Variants in CDCA3 observed in about 807,000 individuals in gnomAD.
CDCA3 encodes cell division cycle associated 3.
CDCA3 carries 16 observed loss-of-function variants against 29.1 expected under a neutral mutation model. That is an observed-to-expected ratio of 0.55 (90% confidence interval 0.37 to 0.83). CDCA3 has a LOEUF of 0.83. Ranked by LOEUF, CDCA3 falls within the 40% of genes least tolerant of loss-of-function variation. The pLI is 0.00. For synonymous variants in CDCA3, 88 were observed against 124.5 expected, an observed-to-expected ratio of 0.71 and a Z score of 1.95; for missense variants, 291 against 327.2, an observed-to-expected ratio of 0.89 and a Z score of 0.85.
chr12:6,849,972 AGAAATCAAG>A lies in CDCA3; in HGVS notation c.251-123_251-115del, dbSNP rs1943800310. ...CAGGAGGGTGAGCAAGTGGGAAGAG[AGAAATCAAG>A]GAAATCAAGGTGAAAGGGAGCAATT... On this transcript the variant is annotated intron_variant, in intron 3 of 5. Transcript: ENST00000538862. This position sits in a 1 kb window ranked among gnomAD's most constrained non-coding sequence, Gnocchi z 5.2. 1 of 988,680 alleles carries A rather than the reference AGAAATCAAG, an allele frequency of 1.0e-6. No individual in the cohort carries two copies. The highest frequency in any genetic ancestry group is 2.6e-5 in the East Asian group (1 of 37,916). The allele number at this position is 988,680 out of a possible 1,614,324, so 61.2% of individuals were successfully genotyped here. A position where few individuals can be genotyped will look rare whatever the true frequency, so the allele number is the denominator to read the frequency against.
chr12:6,845,459 G>T (rs782647560), downstream of CDCA3: 213 of 658,064 alleles, frequency 3.2e-4, no homozygotes, highest in African/African-American at 2.1e-3. Context: ...CCAAACCAAG[G>T]GAGGGACAGG....
downstream of CDCA3, among the ~76,000 whole-genome samples, chr12:6,847,895 G>A: frequency 6.6e-6 from 1 of 152,262 alleles, no homozygotes; most frequent in South Asian, 2.1e-4. Context: ...TAGGGAGAGG[G>A]ATTAGGAAGA....
Position 6,850,351 on chromosome 12 carries a change from G to T in CDCA3, c.250+116C>A. On this transcript the variant is annotated intron_variant, in intron 3 of 5. Transcript: ENST00000538862. This position sits in a 1 kb window ranked among gnomAD's most constrained non-coding sequence, Gnocchi z 4.7. ...AAATATTGAGATAAGAGTGAGATGG[G>T]TCCGAAGCAGGAGGATAGAGGCCCC... The T allele has an allele frequency of 1.5e-6, 2 of 1,321,218 alleles. No individual in the cohort carries two copies. Among genetic ancestry groups the T allele is most frequent in the Non-Finnish European group, 2.1e-6 (2 of 939,298 alleles). The allele number at this position is 1,321,218 out of a possible 1,614,324, so 81.8% of individuals were successfully genotyped here.
Position 6,850,252 on chromosome 12 carries a change from A to G in CDCA3, c.250+215T>C. ...AGGCTGGTCTTGAACTCCTGGGCTC[A>G]AGCGATCTGACCACCCCGGCCTTCC... On this transcript the variant is annotated intron_variant, in intron 3 of 5. Coordinates refer to ENST00000538862, the MANE Select transcript of CDCA3 (RefSeq NM_031299.7). This position sits in a 1 kb window ranked among gnomAD's most constrained non-coding sequence, Gnocchi z 4.7. The G allele has an allele frequency of 1.7e-6, 1 of 600,578 alleles. No individual in the cohort carries two copies. The highest frequency in any genetic ancestry group is 3.0e-5 in the Admixed American group (1 of 33,194). 37.2% of individuals were successfully genotyped at this position (600,578 alleles called of 1,614,324 possible).
Position 6,849,831 on chromosome 12 carries a change from A to G in CDCA3, c.278T>C (p.Leu93Pro), listed in dbSNP as rs782238115. 1.3e-6 allele frequency: 2 copies of G among 1,554,990 alleles called. No homozygotes were observed. The highest frequency in any genetic ancestry group is 2.4e-5 in the South Asian group (2 of 82,240). Residue 93 changes from leucine (L) to proline (P), a missense_variant, in exon 4 of 6, where the codon CTG (leucine) becomes CCG (proline). By Grantham distance (98) the Leu-to-Pro change is moderately conservative. Coordinates refer to ENST00000538862, the MANE Select transcript of CDCA3 (RefSeq NM_031299.7). This position sits in a 1 kb window ranked among gnomAD's most constrained non-coding sequence, Gnocchi z 5.2. ...GTCTTCAGTTTCAAATACTTCACTC[A>G]GCTGTTTCACCAGTGGGCTTGGGGG... is the stretch of plus-strand genomic sequence containing the variant. ...GDPPSPLVKQ[L>P]SEVFETEDSK...
Position 6,849,782 on chromosome 12 carries a change from C to T in CDCA3, c.327G>A (p.Glu109=), listed in dbSNP as rs1555125864. The T allele has an allele frequency of 1.9e-6, 3 of 1,597,946 alleles. No homozygotes were observed. The highest frequency in any genetic ancestry group is 2.2e-5 in the South Asian group (2 of 89,420). Residue 109 remains glutamate (E), a synonymous_variant, in exon 4 of 6, where the codon GAG becomes GAA. Coordinates refer to ENST00000538862, the MANE Select transcript of CDCA3 (RefSeq NM_031299.7). The surrounding 1 kb of genome is among the most constrained non-coding windows in gnomAD (Gnocchi z 5.2). ...AAGGTGCCTCTGGGGGCAGAACAGG[C>T]TCTGGGGGAAGATTTGATTTAGAGT... ...TEDSKSNLPP[E]PVLPPEAPLS...
At position 6,849,252 on chromosome 12, in the gene CDCA3, T is replaced by C. The variant is rs1943773284; in HGVS notation, c.652-54A>G. 9 of 1,609,932 alleles carry C rather than the reference T, an allele frequency of 5.6e-6. No individual in the cohort carries two copies. The highest frequency in any genetic ancestry group is 1.3e-5 in the African/African-American group (1 of 74,892). On this transcript the variant is annotated intron_variant, in intron 5 of 5. Coordinates refer to ENST00000538862, the MANE Select transcript of CDCA3 (RefSeq NM_031299.7). This position sits in a 1 kb window ranked among gnomAD's most constrained non-coding sequence, Gnocchi z 5.2. The stretch of plus-strand genomic sequence containing the variant: ...GAGTTGCTGTTCAGAAGAGGGAAGA[T>C]CTGGGTAAAAGGGTCTCCCACCCTC...
rs1219932664 is a variant in CDCA3, at chr12:6,849,504, G to C, written c.544+61C>G. 2 of 1,564,670 alleles carry C rather than the reference G, an allele frequency of 1.3e-6. No individual in the cohort carries two copies. Among genetic ancestry groups the C allele is most frequent in the Non-Finnish European group, 1.7e-6 (2 of 1,153,158 alleles). On this transcript the variant is annotated intron_variant, in intron 4 of 5. Coordinates refer to ENST00000538862, the MANE Select transcript of CDCA3 (RefSeq NM_031299.7). This position sits in a 1 kb window ranked among gnomAD's most constrained non-coding sequence, Gnocchi z 5.2. ...TTTATTCCTCCCACACTCACCCATG[G>C]ACCTTATCCCAAAACATTATCCTAG...
downstream of CDCA3, chr12:6,846,961 A>T: frequency 1.1e-6 from 1 of 906,940 alleles, no homozygotes; most frequent in Admixed American, 2.0e-5. Context: ...GCCCGACCCC[A>T]TCTCATTCAG....
At position 6,849,330 on chromosome 12, in the gene CDCA3, A is replaced by G. The variant is rs1280734352; in HGVS notation, c.644T>C (p.Leu215Pro). Reference sequence around the variant, plus strand: ...CACTTTCTCTTCCTTTACCTGTCGTAGTGTCAGGGTGCCAGGGGAGTTGTC... The same window carrying G: ...CACTTTCTCTTCCTTTACCTGTCGTGGTGTCAGGGTGCCAGGGGAGTTGTC... ...QDDNSPGTLT[L>P]RQGKRPSPLS... is the part of the protein sequence containing the mutation. Residue 215 changes from leucine to proline, a missense_variant, in exon 5 of 6, where the codon CTA becomes CCA. Transcript: ENST00000538862. This position sits in a 1 kb window ranked among gnomAD's most constrained non-coding sequence, Gnocchi z 5.2. 6.2e-7 allele frequency: 1 copy of G among 1,600,468 alleles called. No individual in the cohort carries two copies.
chr12:6,848,277 A>C (rs1555125234), downstream of CDCA3: 1 of 152,274 alleles, frequency 6.6e-6, no homozygotes, highest in African/African-American at 2.4e-5. Flanking sequence ...GCTTGAGCTC[A>C]GGAAGTTGAG....
chr12:6,845,281 G>T, downstream of CDCA3: 1 of 362,872 alleles, frequency 2.8e-6, no homozygotes, highest in South Asian at 3.7e-5. Flanking sequence ...TGGGAGTCTG[G>T]GACAACCTCC....
rs760802476 is a variant in CDCA3 at position 6,848,942 on chromosome 12, A to G, written c.*101T>C. On this transcript the variant is annotated 3_prime_UTR_variant, in exon 6 of 6. Coordinates refer to ENST00000538862, the MANE Select transcript of CDCA3 (RefSeq NM_031299.7). ...CAGTTTGGTAGCTGAGGAGGAGTCT[A>G]AGAAAACAAGCCATTCCTCAGTATC... 1 of 645,896 alleles carries G rather than the reference A, an allele frequency of 1.5e-6. No individual in the cohort carries two copies. The highest frequency in any genetic ancestry group is 2.8e-6 in the Non-Finnish European group (1 of 353,674). The allele number at this position is 645,896 out of a possible 1,614,324, so 40.0% of individuals were successfully genotyped here.
chr12:6,846,873 A>T, downstream of CDCA3: 1 of 1,594,108 alleles, frequency 6.3e-7, no homozygotes, highest in South Asian at 1.1e-5. Flanking sequence ...GGTTCCTGGG[A>T]CAGCTTCCTC....
downstream of CDCA3, chr12:6,846,723 A>C (rs1393563559): frequency 2.7e-5 from 22 of 826,306 alleles, no homozygotes. Flanking sequence ...ACATACACTT[A>C]CACGCATGCA....
downstream of CDCA3, chr12:6,846,006 C>T (rs1943689581): frequency 1.7e-6 from 1 of 580,706 alleles, no homozygotes; most frequent in Admixed American, 2.9e-5. Context: ...AGCAGCCTCT[C>T]TCCACTGCCC....
chr12:6,847,653 T>G (rs781891497), downstream of CDCA3, among the ~76,000 whole-genome samples: 5 of 152,306 alleles, frequency 3.3e-5, no homozygotes, highest in East Asian at 9.6e-4. Flanking sequence ...AATCAGATTA[T>G]AAAAGGTCTT....
Position 6,849,134 on chromosome 12 carries a change from G to A in CDCA3, c.716C>T (p.Thr239Ile). 1 of 1,607,818 alleles carries A rather than the reference G, an allele frequency of 6.2e-7. No homozygotes were observed. The highest frequency in any genetic ancestry group is 1.3e-5 in the African/African-American group (1 of 74,896). ...TCCTCCAGTTTTCAGAAGTCGTCCA[G>A]TTCCAAGAATGGCTCCTTCCTTTAG... ...SELKEGAILG[T>I]GRLLKTGGRA... Residue 239 changes from threonine (T) to isoleucine (I), a missense_variant, in exon 6 of 6, where the codon ACT (threonine) becomes ATT (isoleucine). Coordinates refer to ENST00000538862, the MANE Select transcript of CDCA3 (RefSeq NM_031299.7). This position sits in a 1 kb window ranked among gnomAD's most constrained non-coding sequence, Gnocchi z 5.2.
At chr12:6,846,673 CCCCACACACCCACATACACACACACA>C (rs1439148860), downstream of CDCA3, 14 of 630,406 alleles carry the variant, frequency 2.2e-5, no homozygotes, top group East Asian at 8.3e-5. Context: ...ACACATATCC[CCCCACACACCCACATACACACACACA>C]CCCACACACC....
Sources: allele counts gnomAD v4.1 joint callset (sites outside exome capture counted in the v4.1 genomes callset), GRCh38; gene constraint gnomAD v4.1.1; non-coding constraint Gnocchi (gnomAD v3.1); transcripts MANE v1.5; gene names NCBI Gene and HGNC (gene_info 2026-07-23, HGNC 2026-07-21).